Variants in LARS1 observed in about 807,000 individuals in gnomAD.
LARS1 encodes leucyl-tRNA synthetase 1.
Under a neutral mutation model 162.8 loss-of-function variants are expected in LARS1, and 100 were observed. That is an observed-to-expected ratio of 0.61 (90% CI 0.52 to 0.73). The LOEUF is 0.73. Among genes scored for constraint, LARS1 ranks in the 30% least tolerant of loss-of-function variants. The pLI, the probability that LARS1 is intolerant of heterozygous loss-of-function variation, is 0.00. For missense variants in LARS1, 1,258 were observed against 1,408.9 expected, an observed-to-expected ratio of 0.89 and a Z score of 1.71; for synonymous variants, 457 against 462.8, an observed-to-expected ratio of 0.99 and a Z score of 0.16.
chr5:146,128,570 G>T, intron 27 of LARS1, 102 bp downstream of exon 27: 1 of 647,060 alleles, frequency 1.5e-6, no homozygotes, highest in Non-Finnish European at 2.5e-6. Context: ...AAACAAAGCT[G>T]CCTATCTTTC....
intron 10 of LARS1, among the ~76,000 whole-genome samples, chr5:146,156,128 G>A (rs546539661): frequency 9.5e-4 from 145 of 152,240 alleles, no homozygotes; most frequent in South Asian, 3.1e-3. Context: ...GTGTGTATTC[G>A]CTTGTGTATA....
chr5:146,168,046 C>A, intron 5 of LARS1, 82 bp downstream of exon 5: 1 of 1,137,238 alleles, frequency 8.8e-7, no homozygotes, highest in South Asian at 1.6e-5. Context: ...ATGTGTTGGG[C>A]ACTGTGCTAG....
chr5:146,133,146 T>C (rs185584763), intron 22 of LARS1, 65 bp from the exon 23 acceptor site: 14 of 1,382,046 alleles, frequency 1.0e-5, no homozygotes, highest in African/African-American at 7.1e-5. Flanking sequence ...CTGTGTCCTA[T>C]GTGTCCAGTT....
At chr5:146,159,370 A>C (rs1753673240) in intron 8 of LARS1, 37 bp downstream of exon 8, 1 of 1,508,780 alleles carries the variant, frequency 6.6e-7, no homozygotes, top group South Asian at 1.1e-5. Context: ...CTTATTAAGG[A>C]TTATTATAAT....
chr5:146,134,560 G>C (rs1173132798), intron 22 of LARS1, among the ~76,000 whole-genome samples: 5 of 152,094 alleles, frequency 3.3e-5, no homozygotes, highest in Non-Finnish European at 7.4e-5. Context: ...TTCTTCTCTT[G>C]ACACGATAAT....
chr5:146,128,397 T>G (rs1360565523), intron 27 of LARS1, among the ~76,000 whole-genome samples: 1 of 152,156 alleles, frequency 6.6e-6, no homozygotes, highest in African/African-American at 2.4e-5. Flanking sequence ...TCATTTCAAC[T>G]ACACATATGA....
intron 2 of LARS1, among the ~76,000 whole-genome samples, chr5:146,173,547 T>A (rs1441217328): frequency 6.6e-6 from 1 of 151,850 alleles, no homozygotes; most frequent in African/African-American, 2.4e-5. Flanking sequence ...AGCTTTTTTT[T>A]TTTTTTTAAT....
intron 5 of LARS1, among the ~76,000 whole-genome samples, chr5:146,165,813 A>G (rs1248841954): frequency 6.6e-6 from 1 of 152,184 alleles, no homozygotes; most frequent in Non-Finnish European, 1.5e-5. Flanking sequence ...GCAATTCTGA[A>G]ACTACTAGTA....
chr5:146,149,194 C>T (rs888747128), intron 15 of LARS1, among the ~76,000 whole-genome samples: 1 of 152,086 alleles, frequency 6.6e-6, no homozygotes, highest in African/African-American at 2.4e-5. Context: ...TTCAACAAGC[C>T]TAACAGACCA....
At chr5:146,179,878 C>T (rs779859170) in intron 1 of LARS1, among the ~76,000 whole-genome samples, 2 of 152,234 alleles carry the variant, frequency 1.3e-5, no homozygotes, top group African/African-American at 2.4e-5. Context: ...GCTGACATTA[C>T]AGGCTTGAGC....
intron 1 of LARS1, among the ~76,000 whole-genome samples, chr5:146,178,227 T>C (rs1317294823): frequency 6.6e-6 from 1 of 152,208 alleles, no homozygotes; most frequent in African/African-American, 2.4e-5. Context: ...AACACTGTCA[T>C]CAAATGTTTC....
chr5:146,157,415 T>G lies in LARS1; in HGVS notation c.1053A>C (p.Glu351Asp). Residue 351 changes from glutamate to aspartate, a missense_variant, in exon 10 of 32, where the codon GAA (glutamate) becomes GAC (aspartate). Physicochemically the swap from Glu to Asp is conservative, Grantham distance 45. Transcript: ENST00000394434. ...CTATCCAACTTACCTCCCCCATTAA[T>G]TCCTTAACAACAGGCACCACGCCAT... ...KDNGVVPVVK[E>D]LMGEEILGAS... is the part of the protein sequence containing the mutation. 3 of 1,613,946 alleles carry G rather than the reference T, an allele frequency of 1.9e-6. No individual in the cohort carries two copies. The highest frequency in any genetic ancestry group is 2.5e-6 in the Non-Finnish European group (3 of 1,179,946).
intron 21 of LARS1, 91 bp from the exon 22 acceptor site, chr5:146,135,755 A>G: frequency 1.2e-6 from 1 of 825,904 alleles, no homozygotes; most frequent in South Asian, 1.8e-5. Flanking sequence ...GGCCATGACC[A>G]GATAAAAACA....
Position 146,160,479 on chromosome 5 carries a change from C to A in LARS1, c.602G>T (p.Trp201Leu), listed in dbSNP as rs1160361370. ...ATCAGTGGTGATGAAGGAACGACGC[C>A]AGTCTACCTATAAAAGGAAAATTTT... ...DLKRMGLKVDWRRSFITTDVN... is the reference protein window; with the variant it reads ...DLKRMGLKVDLRRSFITTDVN... Residue 201 changes from tryptophan (W) to leucine (L), a missense_variant, in exon 7 of 32, where the codon TGG (tryptophan) becomes TTG (leucine). Coordinates refer to ENST00000394434, the MANE Select transcript of LARS1 (RefSeq NM_020117.11). The A allele has an allele frequency of 3.9e-6, 6 of 1,526,720 alleles. No individual in the cohort carries two copies. The highest frequency in any genetic ancestry group is 8.8e-7 in the Non-Finnish European group (1 of 1,140,244). The allele number at this position is 1,526,720 out of a possible 1,614,324, so 94.6% of individuals were successfully genotyped here. A position where few individuals can be genotyped will look rare whatever the true frequency, so the allele number is the denominator to read the frequency against.
At chr5:146,121,465 C>T (rs564932767) in intron 30 of LARS1, among the ~76,000 whole-genome samples, 11 of 152,152 alleles carry the variant, frequency 7.2e-5, no homozygotes, top group Admixed American at 6.6e-4. Flanking sequence ...ACCCAGCAAT[C>T]CCATTATTGG....
At chr5:146,146,495 T>C (rs1753013674) in intron 15 of LARS1, among the ~76,000 whole-genome samples, 1 of 101,788 alleles carries the variant, frequency 9.8e-6, no homozygotes, top group Non-Finnish European at 1.9e-5. Flanking sequence ...AAAATAGAGG[T>C]TAGAACCCCA....
rs1159143043 is a variant in LARS1, at chr5:146,114,152, C to T, written c.3485G>A (p.Gly1162Glu). The T allele has an allele frequency of 1.2e-6, 2 of 1,613,660 alleles. No individual in the cohort carries two copies. The highest frequency in any genetic ancestry group is 1.7e-5 in the Admixed American group (1 of 59,962). ...MSKKIHLTEN[G>E]IRVDIGDTII... ...TGTATCGCCAATATCCACCCTTATCCCATTCTCAGTCAGATGAATTTTCTT... is the reference window on the plus strand; with the variant it reads ...TGTATCGCCAATATCCACCCTTATCTCATTCTCAGTCAGATGAATTTTCTT... Residue 1162 changes from glycine to glutamate, a missense_variant, in exon 32 of 32, where the codon GGG (glycine) becomes GAG (glutamate). Transcript: ENST00000394434.
chr5:146,153,896 T>G lies in LARS1; in HGVS notation c.1150A>C (p.Lys384Gln). Residue 384 changes from lysine (K) to glutamine (Q), a missense_variant, in exon 11 of 32, where the codon AAA (lysine) becomes CAA (glutamine). Coordinates refer to ENST00000394434, the MANE Select transcript of LARS1 (RefSeq NM_020117.11). Reference protein sequence around the residue: ...VLPMLTIKEDKGTGVVTSVPS... With the variant: ...VLPMLTIKEDQGTGVVTSVPS... ...TAGAAATAAATAAACTCTTTACCTTTATCCTCCTTAATAGTTAGCATTGGG... is the reference window on the plus strand; with the variant it reads ...TAGAAATAAATAAACTCTTTACCTTGATCCTCCTTAATAGTTAGCATTGGG... 1 of 1,610,866 alleles carries G rather than the reference T, an allele frequency of 6.2e-7. No individual in the cohort carries two copies. Among genetic ancestry groups the G allele is most frequent in the South Asian group, 1.1e-5 (1 of 90,978 alleles).
chr5:146,181,494 A>G (rs1177923621), intron 1 of LARS1, among the ~76,000 whole-genome samples: 1 of 152,076 alleles, frequency 6.6e-6, no homozygotes, highest in African/African-American at 2.4e-5. Context: ...CTCTACTAAA[A>G]ATACAAAAAA....
Sources: gnomAD v4.1 joint callset for allele counts (sites outside exome capture counted in the v4.1 genomes callset) on GRCh38, gnomAD v4.1.1 for gene constraint, MANE v1.5 for transcripts, NCBI Gene and HGNC (gene_info 2026-07-23, HGNC 2026-07-21) for gene names.